The following CEP350 variants were observed in gnomAD, a reference collection of about 807,000 sequenced individuals.
CEP350 encodes the protein centrosome-associated protein 350.
Under a neutral mutation model 331.8 loss-of-function variants are expected in CEP350, and 126 were observed. The observed-to-expected ratio is 0.38, with a 90% CI of 0.33 to 0.44. CEP350 has a LOEUF of 0.44. CEP350 is among the 20% of genes least tolerant of loss of function. The pLI is 1.00. For synonymous variants in CEP350, 1,200 were observed against 1,259.5 expected (o/e 0.95, Z 1.00); for missense variants, 3,406 against 3,634.6 (o/e 0.94, Z 1.62).
At chr1:179,998,303 C>CTTTTTTT (rs763257368) in intron 6 of CEP350, among the ~76,000 whole-genome samples, 16 of 111,916 alleles carry the variant, frequency 1.4e-4, no homozygotes, top group African/African-American at 2.1e-4. Context: ...CTTCTATTTT[C>CTTTTTTT]TTTTTTTTTT....
intron 1 of CEP350, among the ~76,000 whole-genome samples, chr1:179,984,712 A>T (rs191601514): frequency 6.6e-6 from 1 of 152,216 alleles, no homozygotes; most frequent in Admixed American, 6.5e-5. Context: ...TAAAACCACC[A>T]CAAGTGTCCA....
chr1:179,973,620 A>C (rs1242818961), intron 1 of CEP350, among the ~76,000 whole-genome samples: 1 of 152,162 alleles, frequency 6.6e-6, no homozygotes, highest in African/African-American at 2.4e-5. Context: ...GCCTTTATCA[A>C]ACGGCTCCCA....
intron 37 of CEP350, among the ~76,000 whole-genome samples, chr1:180,103,174 A>G (rs1287835798): frequency 6.6e-6 from 1 of 152,174 alleles, no homozygotes; most frequent in Non-Finnish European, 1.5e-5. Context: ...CCCTAATCTT[A>G]TTATGCAAAT....
At chr1:180,056,475 C>G (rs1368906078) in intron 25 of CEP350, among the ~76,000 whole-genome samples, 8 of 115,772 alleles carry the variant, frequency 6.9e-5, no homozygotes, top group Non-Finnish European at 1.3e-4. Flanking sequence ...TCCCCCCCCC[C>G]CTTTTTTTTT....
chr1:180,034,268 A>G (rs898361419), intron 16 of CEP350, among the ~76,000 whole-genome samples, 186 bp downstream of exon 16: 1 of 152,166 alleles, frequency 6.6e-6, no homozygotes, highest in African/African-American at 2.4e-5. Context: ...AGTAATGTTG[A>G]CTTTTTTCCC....
chr1:180,056,605 G>A (rs1312983842), intron 25 of CEP350, among the ~76,000 whole-genome samples: 1 of 151,748 alleles, frequency 6.6e-6, no homozygotes, highest in Non-Finnish European at 1.5e-5. Context: ...CTGTAGCTGG[G>A]ACCACAGGTG....
chr1:179,971,530 T>C (rs777205786), intron 1 of CEP350, among the ~76,000 whole-genome samples: 2 of 152,222 alleles, frequency 1.3e-5, no homozygotes, highest in Non-Finnish European at 2.9e-5. Flanking sequence ...CTCACTTTGT[T>C]GTCCAGGCTG....
intron 37 of CEP350, among the ~76,000 whole-genome samples, chr1:180,105,561 T>C (rs1292044026): frequency 1.3e-5 from 2 of 152,208 alleles, no homozygotes; most frequent in African/African-American, 2.4e-5. Flanking sequence ...TGAGGTATTA[T>C]TTCCTCTATA....
At chr1:180,097,739 ATT>A (rs917472230) in intron 36 of CEP350, among the ~76,000 whole-genome samples, 80 of 152,302 alleles carry the variant, frequency 5.3e-4, no homozygotes, top group African/African-American at 1.8e-3. Context: ...TAGTTCAAAT[ATT>A]GTTAGTAGTA....
chr1:180,041,676 A>G lies in CEP350; in HGVS notation c.4236A>G (p.Ser1412=), dbSNP rs931856135. The G allele has an allele frequency of 9.9e-6, 16 of 1,613,746 alleles. No individual in the cohort carries two copies. Among genetic ancestry groups the G allele is most frequent in the Non-Finnish European group, 1.3e-5 (15 of 1,179,760 alleles). ...TTTATTTAAAGGTCCATGCAGAATC[A>G]TTACAGCAGGTGGTTCAATCACAAC... ...RNKAAQVHAE[S]LQQVVQSQRE... is the part of the protein sequence containing the mutation. The change falls in exon 19 of 38, where the codon TCA becomes TCG. Residue 1412 remains serine (S), a synonymous_variant. Transcript: ENST00000367607.
intron 14 of CEP350, among the ~76,000 whole-genome samples, chr1:180,030,349 AATAT>A (rs984701139): frequency 1.4e-5 from 2 of 147,940 alleles, no homozygotes; most frequent in East Asian, 1.9e-4. Flanking sequence ...ATATAAACAT[AATAT>A]ATATATAATA....
chr1:180,065,257 G>T lies in CEP350; in HGVS notation c.5552G>T (p.Ser1851Ile), dbSNP rs768823306. 1 of 1,608,450 alleles carries T rather than the reference G, an allele frequency of 6.2e-7. No individual in the cohort carries two copies. The highest frequency in any genetic ancestry group is 1.1e-5 in the South Asian group (1 of 89,628). Residue 1851 changes from serine (S) to isoleucine (I), a missense_variant, in exon 27 of 38, where the codon AGC becomes ATC. Ser to Ile is a moderately radical substitution (Grantham distance 142, BLOSUM62 -2). Transcript: ENST00000367607. ...ATGCAGAAACTGAAGAAAATGAGAA[G>T]CCGCATGGATGAAAAGTATTTGTTT... Reference protein sequence around the residue: ...SIMQKLKKMRSRMDEKFLTKR... With the variant: ...SIMQKLKKMRIRMDEKFLTKR...
chr1:180,043,001 T>C, intron 19 of CEP350, 55 bp from the exon 20 acceptor site: 1 of 1,558,870 alleles, frequency 6.4e-7, no homozygotes, highest in Non-Finnish European at 8.7e-7. Context: ...TCCTTCTCAG[T>C]TCTCTGACCT....
intron 11 of CEP350, among the ~76,000 whole-genome samples, chr1:180,016,815 C>G (rs1396278242): frequency 1.3e-5 from 2 of 152,078 alleles, no homozygotes; most frequent in Non-Finnish European, 2.9e-5. Context: ...GCATGTGCCA[C>G]TACCACCTGG....
At chr1:180,023,722 A>G (rs1468317883) in intron 13 of CEP350, among the ~76,000 whole-genome samples, 2 of 152,180 alleles carry the variant, frequency 1.3e-5, no homozygotes, top group East Asian at 1.9e-4. Context: ...AATTACTTGT[A>G]CATAGTCACA....
chr1:180,007,523 G>C (rs966770631), intron 8 of CEP350, among the ~76,000 whole-genome samples: 5 of 152,152 alleles, frequency 3.3e-5, no homozygotes, highest in Non-Finnish European at 7.4e-5. Context: ...CAGATGGATA[G>C]ATTGCAAAAT....
chr1:180,011,821 ACC>A (rs1654678742), intron 8 of CEP350, 106 bp from the exon 9 acceptor site: 3 of 708,488 alleles, frequency 4.2e-6, no homozygotes, highest in Non-Finnish European at 6.8e-6. Context: ...AAATCTTTTG[ACC>A]TTGACAGATG....
chr1:180,110,227 G>A (rs765179993), intron 37 of CEP350, among the ~76,000 whole-genome samples: 1 of 152,124 alleles, frequency 6.6e-6, no homozygotes, highest in Non-Finnish European at 1.5e-5. Context: ...TTTTATAATT[G>A]TAAATCCATA....
intron 17 of CEP350, among the ~76,000 whole-genome samples, chr1:180,039,691 C>G (rs1296121223): frequency 6.6e-6 from 1 of 152,016 alleles, no homozygotes; most frequent in African/African-American, 2.4e-5. Context: ...GAAATCAAGA[C>G]ATAATTCCTC....
Sources: allele counts gnomAD v4.1 joint callset (sites outside exome capture counted in the v4.1 genomes callset), GRCh38; gene constraint gnomAD v4.1.1; transcripts MANE v1.5; gene names NCBI Gene and HGNC (gene_info 2026-07-23, HGNC 2026-07-21).